BRMS1L: variants seen among roughly 807,000 people sequenced by gnomAD.
BRMS1L encodes the protein BRMS1 like transcriptional repressor.
A neutral mutation model predicts 50.3 loss-of-function variants in BRMS1L; 23 were observed. The observed-to-expected ratio is 0.46, with a 90% CI of 0.33 to 0.65. The LOEUF (loss-of-function observed/expected upper bound fraction) is 0.65. Among genes scored for constraint, BRMS1L ranks in the 30% least tolerant of loss-of-function variants. The pLI is 0.02. For missense variants in BRMS1L, 286 were observed against 386.1 expected (o/e 0.74, Z 2.17); for synonymous variants, 114 against 126.9 (o/e 0.90, Z 0.69).
At chr14:35,843,146 T>C (rs765718864) in intron 4 of BRMS1L, among the ~76,000 whole-genome samples, 1 of 152,210 alleles carries the variant, frequency 6.6e-6, no homozygotes, top group African/African-American at 2.4e-5. Flanking sequence ...TTGGACGAGT[T>C]AGTTATTACC....
chr14:35,842,237 T>A (rs960118113), intron 4 of BRMS1L, among the ~76,000 whole-genome samples: 2 of 152,150 alleles, frequency 1.3e-5, no homozygotes, highest in Non-Finnish European at 2.9e-5. Flanking sequence ...GTCTGGTTAT[T>A]TTGCCTGTTA....
chr14:35,841,182 G>C (rs942830076), intron 4 of BRMS1L, among the ~76,000 whole-genome samples: 2 of 152,148 alleles, frequency 1.3e-5, no homozygotes, highest in Admixed American at 1.3e-4. Flanking sequence ...TCTTAATCCT[G>C]AGTTCTAATT....
intron 1 of BRMS1L, among the ~76,000 whole-genome samples, chr14:35,827,120 G>T (rs144597389): frequency 6.6e-6 from 1 of 152,212 alleles, no homozygotes; most frequent in African/African-American, 2.4e-5. Context: ...TTTTACATCA[G>T]TGTCTTTTCG....
chr14:35,827,205 G>A (rs1455232385), intron 1 of BRMS1L, among the ~76,000 whole-genome samples: 1 of 152,114 alleles, frequency 6.6e-6, no homozygotes, highest in Non-Finnish European at 1.5e-5. Flanking sequence ...ACCAACATTC[G>A]GGCTCATTTT....
At chr14:35,831,815 G>C (rs1334123427) in intron 2 of BRMS1L, among the ~76,000 whole-genome samples, 1 of 152,178 alleles carries the variant, frequency 6.6e-6, no homozygotes, top group African/African-American at 2.4e-5. Context: ...AGCTACTTGG[G>C]AGGTTAAGGC....
At chr14:35,845,238 G>GTTTACTTGTTTA (rs1480129733) in intron 4 of BRMS1L, among the ~76,000 whole-genome samples, 1 of 152,132 alleles carries the variant, frequency 6.6e-6, no homozygotes, top group Non-Finnish European at 1.5e-5. Context: ...TAATGGCACT[G>GTTTACTTGTTTA]ATAGGACCTC....
chr14:35,826,626 G>A lies in BRMS1L; in HGVS notation c.110G>A (p.Ser37Asn). The A allele has an allele frequency of 2.5e-6, 4 of 1,612,652 alleles. No homozygotes were observed. The highest frequency in any genetic ancestry group is 3.4e-6 in the Non-Finnish European group (4 of 1,179,622). Residue 37 changes from serine (S) to asparagine (N), a missense_variant, in exon 1 of 10, where the codon AGC becomes AAC. By Grantham distance (46) the Ser-to-Asn change is conservative. This residue lies in a region of BRMS1L where 66 missense variants were observed against 67.8 expected (regional missense o/e 0.97). Coordinates refer to ENST00000216807, the MANE Select transcript of BRMS1L (RefSeq NM_032352.4). ...AGCTCCGAGGACGAGGACACTGAGA[G>A]CTCGTCGGTCTCCGAGGATGGAGAT... is the stretch of plus-strand genomic sequence containing the variant. ...GSSSEDEDTE[S>N]SSVSEDGDSS... is the part of the protein sequence containing the mutation.
chr14:35,833,796 A>AT (rs761393948), intron 3 of BRMS1L, among the ~76,000 whole-genome samples: 12 of 152,276 alleles, frequency 7.9e-5, no homozygotes, highest in Non-Finnish European at 1.6e-4. Context: ...TGTGGCACTA[A>AT]TTGACCCTTA....
chr14:35,832,493 G>C (rs1595659670), intron 2 of BRMS1L, among the ~76,000 whole-genome samples: 1 of 144,410 alleles, frequency 6.9e-6, no homozygotes, highest in Admixed American at 6.9e-5. Flanking sequence ...GTGACGGAGC[G>C]AGACTCCGTC....
intron 4 of BRMS1L, among the ~76,000 whole-genome samples, chr14:35,842,248 G>A (rs1414266854): frequency 2.6e-5 from 4 of 152,134 alleles, no homozygotes; most frequent in Admixed American, 2.6e-4. Flanking sequence ...TTGCCTGTTA[G>A]TTGATGCAGT....
intron 9 of BRMS1L, among the ~76,000 whole-genome samples, chr14:35,869,988 A>C (rs1334400100): frequency 6.6e-6 from 1 of 152,062 alleles, no homozygotes; most frequent in Non-Finnish European, 1.5e-5. Context: ...GGAATTAGAG[A>C]TTAGCATTTG....
chr14:35,837,110 C>A (rs1007855018), intron 4 of BRMS1L, among the ~76,000 whole-genome samples: 2 of 152,056 alleles, frequency 1.3e-5, no homozygotes, highest in Non-Finnish European at 2.9e-5. Flanking sequence ...CAAAAATTAG[C>A]TGGGTGTGGT....
At chr14:35,839,203 G>C (rs1019176596) in intron 4 of BRMS1L, among the ~76,000 whole-genome samples, 29 of 152,172 alleles carry the variant, frequency 1.9e-4, no homozygotes, top group Middle Eastern at 6.8e-3. Context: ...TTATTTCTGA[G>C]GCCTCTATTC....
At chr14:35,839,662 G>A (rs1248328531) in intron 4 of BRMS1L, among the ~76,000 whole-genome samples, 1 of 151,976 alleles carries the variant, frequency 6.6e-6, no homozygotes, top group East Asian at 1.9e-4. Context: ...TCATGATTTG[G>A]GTCTCTGTTT....
intron 4 of BRMS1L, among the ~76,000 whole-genome samples, chr14:35,840,251 G>A (rs548120231): frequency 1.5e-4 from 23 of 152,266 alleles, no homozygotes; most frequent in African/African-American, 5.3e-4. Context: ...GCTTTTTGAT[G>A]TGCTGCTGGA....
At chr14:35,866,839 C>T (rs1246450561) in intron 8 of BRMS1L, among the ~76,000 whole-genome samples, 1 of 152,194 alleles carries the variant, frequency 6.6e-6, no homozygotes, top group South Asian at 2.1e-4. Context: ...TGGTTCTTAA[C>T]ATTTTTGGGT....
chr14:35,836,052 A>T (rs1010348493), intron 4 of BRMS1L, among the ~76,000 whole-genome samples: 19 of 152,320 alleles, frequency 1.2e-4, no homozygotes, highest in African/African-American at 3.4e-4. Context: ...CATTTTCATA[A>T]TTACAACTGA....
chr14:35,856,614 G>T (rs1374370850), intron 4 of BRMS1L, among the ~76,000 whole-genome samples: 1 of 151,424 alleles, frequency 6.6e-6, no homozygotes, highest in Non-Finnish European at 1.5e-5. Flanking sequence ...ATTTTTTTGG[G>T]GGGGGGTTTG....
intron 4 of BRMS1L, among the ~76,000 whole-genome samples, chr14:35,839,374 G>A (rs1595663606): frequency 6.6e-6 from 1 of 152,232 alleles, no homozygotes; most frequent in East Asian, 1.9e-4. Flanking sequence ...GGTTCCGTAT[G>A]AAATTTAAAG....
Sources: allele counts gnomAD v4.1 joint callset (sites outside exome capture counted in the v4.1 genomes callset), GRCh38; gene constraint gnomAD v4.1.1; regional missense constraint gnomAD v4.1.1; transcripts MANE v1.5; gene names NCBI Gene and HGNC (gene_info 2026-07-23, HGNC 2026-07-21).